The following GABRB2 variants were observed in gnomAD, a reference collection of about 807,000 sequenced individuals.
GABRB2 encodes the protein gamma-aminobutyric acid type A receptor subunit beta2, also known as gamma-aminobutyric acid receptor subunit beta-2.
GABRB2 carries 16 observed loss-of-function variants against 54.7 expected under a neutral mutation model. The observed-to-expected ratio is 0.29, with a 90% CI of 0.20 to 0.44. The LOEUF (loss-of-function observed/expected upper bound fraction) is 0.44, where lower values mean the gene tolerates loss of function less well. Ranked by LOEUF, GABRB2 falls within the 20% of genes least tolerant of loss-of-function variation. The probability of loss-of-function intolerance (pLI) is 1.00; values close to 1 mark genes in which losing one functional copy is unlikely to be tolerated. For synonymous variants in GABRB2, 244 were observed against 233.8 expected, an observed-to-expected ratio of 1.04 and a Z score of -0.40; for missense variants, 355 against 644.0, an observed-to-expected ratio of 0.55 and a Z score of 4.86.
intron 3 of GABRB2, among the ~76,000 whole-genome samples, chr5:161,464,491 A>G (rs1480776498): frequency 2.0e-5 from 3 of 152,102 alleles, no homozygotes; most frequent in Non-Finnish European, 4.4e-5. Context: ...CATACATTGC[A>G]AGTGGAAATA....
At chr5:161,463,277 C>G (rs1758168312) in intron 3 of GABRB2, among the ~76,000 whole-genome samples, 2 of 149,838 alleles carry the variant, frequency 1.3e-5, no homozygotes, top group African/African-American at 4.9e-5. Context: ...TTTTCTTCTT[C>G]CTCTTGTACT....
At chr5:161,538,834 A>T (rs966725483) in intron 3 of GABRB2, among the ~76,000 whole-genome samples, 1 of 152,196 alleles carries the variant, frequency 6.6e-6, no homozygotes, top group Non-Finnish European at 1.5e-5. Context: ...AAGAAAAAAA[A>T]AAAAGTAAAC....
At position 161,435,755 on chromosome 5, in the gene GABRB2, A is replaced by C. The variant is rs73800508; in HGVS notation, c.458+23869T>G. Among the ~76,000 whole-genome samples the C allele has an allele frequency of 5.2e-3, 797 of 152,340 alleles. 11 individuals are homozygous for C. The highest frequency in any genetic ancestry group is 0.017 in the African/African-American group (718 of 41,592). On this transcript the variant is annotated intron_variant, in intron 4 of 9. Coordinates refer to ENST00000393959, the MANE Select transcript of GABRB2 (RefSeq NM_001371727.1). Reference sequence around the variant, plus strand: ...AATTTTACATGAATGTCAACAATTTATGTTGCAAACCTTAGCAGCCCATCT... The same window carrying C: ...AATTTTACATGAATGTCAACAATTTCTGTTGCAAACCTTAGCAGCCCATCT...
intron 6 of GABRB2, among the ~76,000 whole-genome samples, chr5:161,336,311 G>T (rs1056118924): frequency 6.6e-6 from 1 of 152,100 alleles, no homozygotes; most frequent in African/African-American, 2.4e-5. Context: ...AATTCTGTGG[G>T]ATGTATAATG....
At chr5:161,323,027 C>CTTT (rs397882556) in intron 9 of GABRB2, among the ~76,000 whole-genome samples, 1 of 140,960 alleles carries the variant, frequency 7.1e-6, no homozygotes, top group African/African-American at 2.6e-5. Context: ...TTGAAATATA[C>CTTT]TTTTTTTTTT....
intron 5 of GABRB2, among the ~76,000 whole-genome samples, chr5:161,350,776 C>G (rs147842029): frequency 1.3e-5 from 2 of 152,192 alleles, no homozygotes; most frequent in African/African-American, 4.8e-5. Flanking sequence ...ATGACTAAGT[C>G]TTCTGGTCTC....
intron 4 of GABRB2, among the ~76,000 whole-genome samples, chr5:161,434,592 C>T (rs904130072): frequency 2.6e-5 from 4 of 152,154 alleles, no homozygotes; most frequent in Non-Finnish European, 4.4e-5. Context: ...ATCCCCTTCC[C>T]TCTGCTCTTC....
chr5:161,330,227 G>T (rs1753791785), intron 8 of GABRB2: 2 of 152,166 alleles, frequency 1.3e-5, no homozygotes, highest in Admixed American at 1.3e-4. Context: ...AAGCAAGATG[G>T]TGGCCTCATA....
intron 3 of GABRB2, among the ~76,000 whole-genome samples, chr5:161,542,313 C>T (rs773547869): frequency 6.6e-6 from 1 of 152,112 alleles, no homozygotes; most frequent in African/African-American, 2.4e-5. Context: ...GAAACAGGCT[C>T]ATTATAGACT....
intron 3 of GABRB2, among the ~76,000 whole-genome samples, chr5:161,544,030 G>T (rs1421538759): frequency 2.0e-5 from 3 of 152,058 alleles, no homozygotes; most frequent in Non-Finnish European, 2.9e-5. Context: ...GAAATCTCGG[G>T]ATTATCTCTT....
At chr5:161,308,560 TC>T (rs1421882272) in intron 9 of GABRB2, among the ~76,000 whole-genome samples, 1 of 152,066 alleles carries the variant, frequency 6.6e-6, no homozygotes, top group East Asian at 1.9e-4. Context: ...GCCAAGGCAA[TC>T]ATAAGCAAAA....
Position 161,378,744 on chromosome 5 carries a change from G to T in GABRB2, c.541+32231C>A, listed in dbSNP as rs555591295. Among the ~76,000 whole-genome samples, 184 of 82,402 alleles carry T rather than the reference G, an allele frequency of 2.2e-3. 1 individual carries two copies. The Middle Eastern group carries it at 0.023, about 10-fold the overall frequency. The allele number at this position is 82,402 out of a possible 152,430, so 54.1% of individuals were successfully genotyped here. ...CTTGGTTTGAAAGTTACAGCTACTA[G>T]AAGTGAAATGCCACGAAATGTCTCA... is the stretch of plus-strand genomic sequence containing the variant. On this transcript the variant is annotated intron_variant, in intron 5 of 9. Transcript: ENST00000393959.
chr5:161,381,933 T>C (rs947212356), intron 5 of GABRB2, among the ~76,000 whole-genome samples: 6 of 152,194 alleles, frequency 3.9e-5, no homozygotes, highest in Non-Finnish European at 5.9e-5. Flanking sequence ...GGATATGCAG[T>C]ATAATTTCAA....
chr5:161,501,305 A>G (rs1759434002), intron 3 of GABRB2, among the ~76,000 whole-genome samples: 1 of 152,164 alleles, frequency 6.6e-6, no homozygotes, highest in Non-Finnish European at 1.5e-5. Context: ...TTAAAAAAAA[A>G]AGTGCTGTGG....
chr5:161,411,124 T>A lies in GABRB2; in HGVS notation c.459-67A>T. On this transcript the variant is annotated intron_variant, in intron 4 of 9. Transcript: ENST00000393959. The stretch of plus-strand genomic sequence containing the variant: ...AAGGCTGGAGCTGGAAATTTAAATC[T>A]AAGTATCAAAGAAGAGACTGTGATT... 4 of 1,215,798 alleles carry A rather than the reference T, an allele frequency of 3.3e-6. No individual in the cohort carries two copies. In the South Asian group the frequency reaches 5.0e-5, roughly 15 times the overall value. 75.3% of individuals were successfully genotyped at this position (1,215,798 alleles called of 1,614,324 possible).
At chr5:161,396,897 C>T (rs1223667129) in intron 5 of GABRB2, among the ~76,000 whole-genome samples, 1 of 152,092 alleles carries the variant, frequency 6.6e-6, no homozygotes, top group African/African-American at 2.4e-5. Context: ...CTTTAAGCCC[C>T]AGTCTCCTTA....
intron 5 of GABRB2, among the ~76,000 whole-genome samples, chr5:161,393,966 A>G (rs1046006553): frequency 6.6e-6 from 1 of 152,136 alleles, no homozygotes; most frequent in African/African-American, 2.4e-5. Flanking sequence ...AATGCATGAT[A>G]TATTTACTCA....
intron 4 of GABRB2, among the ~76,000 whole-genome samples, chr5:161,450,606 T>C (rs1757763579): frequency 6.6e-6 from 1 of 152,202 alleles, no homozygotes; most frequent in South Asian, 2.1e-4. Flanking sequence ...TAACAAGCCC[T>C]GGGCTAAGAG....
At chr5:161,529,373 G>A (rs113400223) in intron 3 of GABRB2, among the ~76,000 whole-genome samples, 1 of 151,922 alleles carries the variant, frequency 6.6e-6, no homozygotes, top group Admixed American at 6.6e-5. Context: ...TGTTGGAGGC[G>A]ATTCCATTTG....
Sources: allele counts gnomAD v4.1 joint callset (sites outside exome capture counted in the v4.1 genomes callset), GRCh38; gene constraint gnomAD v4.1.1; transcripts MANE v1.5; gene names NCBI Gene and HGNC (gene_info 2026-07-23, HGNC 2026-07-21).